Variants in ZBTB7C observed in about 807,000 individuals in gnomAD.
ZBTB7C encodes the protein zinc finger and BTB domain-containing protein 7C.
Under a neutral mutation model 25.7 loss-of-function variants are expected in ZBTB7C, and 8 were observed. The observed-to-expected ratio is 0.31, with a 90% CI of 0.18 to 0.56. ZBTB7C has a LOEUF of 0.56. Ranked by LOEUF, ZBTB7C falls within the 20% of genes least tolerant of loss-of-function variation. ZBTB7C has a pLI of 0.91. For missense variants in ZBTB7C, 824 were observed against 855.2 expected, an observed-to-expected ratio of 0.96 and a Z score of 0.46; for synonymous variants, 394 against 369.0, an observed-to-expected ratio of 1.07 and a Z score of -0.78.
At chr18:48,210,061 A>G (rs193114454) in intron 2 of ZBTB7C, among the ~76,000 whole-genome samples, 1 of 152,360 alleles carries the variant, frequency 6.6e-6, no homozygotes, top group African/African-American at 2.4e-5. Context: ...CGGTAAGTAC[A>G]TGAGAAGCTG....
Position 48,029,307 on chromosome 18 carries a change from G to A in ZBTB7C, c.1813C>T (p.Leu605Phe), listed in dbSNP as rs1210903395. The change falls in exon 5 of 5, where the codon CTC (leucine) becomes TTC (phenylalanine). Residue 605 changes from leucine to phenylalanine, a missense_variant. By Grantham distance (22) the Leu-to-Phe change is conservative. Coordinates refer to ENST00000590800, the MANE Select transcript of ZBTB7C (RefSeq NM_001318841.2). The part of the protein sequence containing the change: ...WAAGLAGLPG[L>F]AGLNHVASMS... ...GAGGCCACGTGGTTGAGGCCGGCGA[G>A]CCCAGGGAGGCCGGCCAGGCCGGCG... The A allele has an allele frequency of 1.3e-6, 2 of 1,536,660 alleles. No homozygotes were observed. Among genetic ancestry groups the A allele is most frequent in the Non-Finnish European group, 1.7e-6 (2 of 1,147,552 alleles).
upstream of ZBTB7C, among the ~76,000 whole-genome samples, chr18:48,411,922 A>G (rs1209582492): frequency 6.6e-6 from 1 of 152,246 alleles, no homozygotes; most frequent in African/African-American, 2.4e-5. Flanking sequence ...TTTGCAACGT[A>G]CTAGTTTGGA....
chr18:48,038,248 C>T (rs1294623966), intron 4 of ZBTB7C, among the ~76,000 whole-genome samples: 1 of 152,166 alleles, frequency 6.6e-6, no homozygotes, highest in Admixed American at 6.5e-5. Flanking sequence ...CAAGGGAACA[C>T]ATCCTGGGTC....
At chr18:48,276,769 A>C (rs2044669554) in intron 2 of ZBTB7C, among the ~76,000 whole-genome samples, 1 of 96,254 alleles carries the variant, frequency 1.0e-5, no homozygotes, top group Non-Finnish European at 2.1e-5. Flanking sequence ...ATACGTGTGC[A>C]TGTGTCTTTA....
chr18:48,092,453 A>G (rs2038455245), intron 3 of ZBTB7C, among the ~76,000 whole-genome samples: 1 of 152,258 alleles, frequency 6.6e-6, no homozygotes, highest in Non-Finnish European at 1.5e-5. Context: ...AGCAAGTTGA[A>G]GTTTTCATGC....
At chr18:48,184,777 A>G (rs1046649586) in intron 3 of ZBTB7C, among the ~76,000 whole-genome samples, 1 of 151,858 alleles carries the variant, frequency 6.6e-6, no homozygotes, top group Non-Finnish European at 1.5e-5. Context: ...TACTGGCCTC[A>G]CAGGGCTCTG....
At chr18:48,229,566 C>T (rs929375356) in intron 2 of ZBTB7C, among the ~76,000 whole-genome samples, 2 of 152,228 alleles carry the variant, frequency 1.3e-5, no homozygotes, top group Non-Finnish European at 2.9e-5. Flanking sequence ...CATTATATTT[C>T]TTTTAAAGTT....
At chr18:48,133,864 T>G (rs900676134) in intron 3 of ZBTB7C, among the ~76,000 whole-genome samples, 1 of 152,124 alleles carries the variant, frequency 6.6e-6, no homozygotes, top group Non-Finnish European at 1.5e-5. Context: ...TGAACAGCTC[T>G]CTCCCTGGCC....
At chr18:48,321,345 A>G (rs968473613) in intron 2 of ZBTB7C, among the ~76,000 whole-genome samples, 3 of 152,182 alleles carry the variant, frequency 2.0e-5, no homozygotes, top group African/African-American at 7.2e-5. Flanking sequence ...CTCAGCCCAG[A>G]GATGAGCTGA....
intron 1 of ZBTB7C, among the ~76,000 whole-genome samples, chr18:48,353,922 G>A (rs375194577): frequency 6.6e-6 from 1 of 152,224 alleles, no homozygotes; most frequent in Non-Finnish European, 1.5e-5. Flanking sequence ...TTGCAGCAGG[G>A]TGGGAAGGAG....
At chr18:48,389,034 C>T (rs1454416663) in intron 1 of ZBTB7C, among the ~76,000 whole-genome samples, 1 of 152,214 alleles carries the variant, frequency 6.6e-6, no homozygotes, top group East Asian at 1.9e-4. Context: ...CCAGGTTCCA[C>T]TGCAGCCCAA....
intron 2 of ZBTB7C, among the ~76,000 whole-genome samples, chr18:48,270,784 C>T (rs1343259782): frequency 6.6e-6 from 1 of 151,848 alleles, no homozygotes; most frequent in African/African-American, 2.4e-5. Flanking sequence ...TCACGATCCG[C>T]CCACCTTGGC....
chr18:48,214,523 G>A (rs1012184798), intron 2 of ZBTB7C, among the ~76,000 whole-genome samples: 2 of 152,166 alleles, frequency 1.3e-5, no homozygotes, highest in Admixed American at 6.5e-5. Flanking sequence ...TAAAGAAGCT[G>A]GTTAAAACCT....
At chr18:48,187,360 A>C (rs148303498) in intron 2 of ZBTB7C, among the ~76,000 whole-genome samples, 199 of 152,348 alleles carry the variant, frequency 1.3e-3, no homozygotes, top group African/African-American at 4.4e-3. Context: ...CATACAGCAG[A>C]ATTTTATTTA....
chr18:48,243,351 C>T (rs1160156206), intron 2 of ZBTB7C, among the ~76,000 whole-genome samples: 1 of 145,520 alleles, frequency 6.9e-6, no homozygotes, highest in African/African-American at 2.5e-5. Context: ...ATGATGTATA[C>T]AAATCAATAG....
chr18:48,188,898 C>G (rs1255920573), intron 2 of ZBTB7C, among the ~76,000 whole-genome samples: 1 of 152,238 alleles, frequency 6.6e-6, no homozygotes, highest in Non-Finnish European at 1.5e-5. Flanking sequence ...CCTCATCAAG[C>G]CTTCCAGATC....
At chr18:48,308,255 C>T (rs2045725640) in intron 2 of ZBTB7C, among the ~76,000 whole-genome samples, 1 of 152,208 alleles carries the variant, frequency 6.6e-6, no homozygotes. Flanking sequence ...CCCCAGATTC[C>T]CCATCTCAGA....
chr18:48,362,941 T>C (rs987859629), intron 1 of ZBTB7C, among the ~76,000 whole-genome samples: 3 of 152,170 alleles, frequency 2.0e-5, no homozygotes, highest in African/African-American at 7.2e-5. Context: ...ACTGTCCAGC[T>C]GGGAAACATG....
intron 2 of ZBTB7C, among the ~76,000 whole-genome samples, chr18:48,201,989 C>CCGCTT (rs2042460982): frequency 6.6e-6 from 1 of 152,244 alleles, no homozygotes; most frequent in African/African-American, 2.4e-5. Context: ...TATGATTTGA[C>CCGCTT]CGCTTCCCAA....
Sources: allele counts gnomAD v4.1 joint callset (sites outside exome capture counted in the v4.1 genomes callset), GRCh38; gene constraint gnomAD v4.1.1; transcripts MANE v1.5; gene names NCBI Gene and HGNC (gene_info 2026-07-23, HGNC 2026-07-21).